SPARCL1: variants seen among roughly 807,000 people sequenced by gnomAD.
The protein encoded by SPARCL1 is SPARC like 1, also known as SPARC-like protein 1.
Under a neutral mutation model 67.1 loss-of-function variants are expected in SPARCL1, and 52 were observed. The observed-to-expected ratio is 0.78, with a 90% CI of 0.62 to 0.98. The LOEUF is 0.98. SPARCL1 is among the 50% of genes least tolerant of loss of function. The probability of loss-of-function intolerance (pLI) is 0.00; values close to 1 mark genes in which losing one functional copy is unlikely to be tolerated. For synonymous variants in SPARCL1, 226 were observed against 267.8 expected, an observed-to-expected ratio of 0.84 and a Z score of 1.52; for missense variants, 717 against 782.4, an observed-to-expected ratio of 0.92 and a Z score of 1.00.
chr4:87,480,393 A>G lies in SPARCL1; in HGVS notation c.1796T>C (p.Leu599Pro). The G allele has an allele frequency of 6.2e-7, 1 of 1,606,814 alleles. No individual in the cohort carries two copies. The highest frequency in any genetic ancestry group is 8.5e-7 in the Non-Finnish European group (1 of 1,176,828). The change falls in exon 9 of 11, where the codon CTT (leucine) becomes CCT (proline). Residue 599 changes from leucine (L) to proline (P), a missense_variant. Transcript: ENST00000282470. The part of the protein sequence containing the change: ...VYPVHWQFSE[L>P]DQHPMDRVLT... ...TTACCTATCCATAGGGTGTTGGTCA[A>G]GTTCACTAAACTGCCAGTGCACAGG...
chr4:87,499,640 C>A (rs1724768570), intron 1 of SPARCL1, 55 bp from the exon 2 acceptor site: 1 of 1,302,446 alleles, frequency 7.7e-7, no homozygotes, highest in Non-Finnish European at 1.1e-6. Flanking sequence ...TCATGAAAAA[C>A]TGAAAGATAG....
At position 87,493,885 on chromosome 4, in the gene SPARCL1, G is replaced by A; in HGVS notation, c.915C>T (p.Ile305=). The part of the protein sequence containing the change: ...SQEGKTGLEA[I]SNHKETEEKT... ...TTTCTTCTGTCTCTTTGTGGTTGCTGATAGCTTCTAGGCCAGTTTTACCCT... is the reference window on the plus strand; with the variant it reads ...TTTCTTCTGTCTCTTTGTGGTTGCTAATAGCTTCTAGGCCAGTTTTACCCT... The change falls in exon 4 of 11, where the codon ATC becomes ATT. Residue 305 remains isoleucine (I), a synonymous_variant. Coordinates refer to ENST00000282470, the MANE Select transcript of SPARCL1 (RefSeq NM_004684.6). 6.2e-7 allele frequency: 1 copy of A among 1,614,154 alleles called. No individual in the cohort carries two copies. The highest frequency in any genetic ancestry group is 1.1e-5 in the South Asian group (1 of 91,076).
intron 1 of SPARCL1, among the ~76,000 whole-genome samples, chr4:87,508,300 A>G (rs1725192448): frequency 6.6e-6 from 1 of 151,406 alleles, no homozygotes; most frequent in Non-Finnish European, 1.5e-5. Flanking sequence ...GGGCCCAAGC[A>G]TGCTCCCACC....
intron 10 of SPARCL1, among the ~76,000 whole-genome samples, chr4:87,477,108 C>T (rs1723613934): frequency 6.6e-6 from 1 of 152,200 alleles, no homozygotes; most frequent in Non-Finnish European, 1.5e-5. Flanking sequence ...TTAAGCCCTT[C>T]CTGCTCCTCC....
intron 1 of SPARCL1, among the ~76,000 whole-genome samples, chr4:87,519,099 T>G (rs1178255528): frequency 6.6e-6 from 1 of 150,948 alleles, no homozygotes; most frequent in African/African-American, 2.4e-5. Context: ...TGAGATGGAG[T>G]CTTGCTCTGT....
chr4:87,490,080 C>G (rs1409626077), intron 7 of SPARCL1, among the ~76,000 whole-genome samples, 193 bp downstream of exon 7: 2 of 152,168 alleles, frequency 1.3e-5, no homozygotes, highest in Non-Finnish European at 2.9e-5. Context: ...GGATTCCAAC[C>G]TAGTTCAGTT....
Position 87,505,724 on chromosome 4 carries a change from G to GGTTTTTTT in SPARCL1, c.-11-6140_-11-6139insAAAAAAAC, listed in dbSNP as rs55992030. On this transcript the variant is annotated intron_variant, in intron 1 of 10. Coordinates refer to ENST00000282470, the MANE Select transcript of SPARCL1 (RefSeq NM_004684.6). ...TGCAAACTATTATGCTCAGCTAATT[G>GGTTTTTTT]TTTTTTTTTTTTTTTGTAGAGATGG... Among the ~76,000 whole-genome samples the GGTTTTTTT allele has an allele frequency of 9.9e-5, 14 of 141,110 alleles. 2 individuals carry two copies. The highest frequency in any genetic ancestry group is 7.8e-5 in the African/African-American group (3 of 38,330). The allele number at this position is 141,110 out of a possible 152,430, so 92.6% of individuals were successfully genotyped here. A position where few individuals can be genotyped will look rare whatever the true frequency, so the allele number is the denominator to read the frequency against.
intron 1 of SPARCL1, among the ~76,000 whole-genome samples, chr4:87,514,025 C>G (rs1725482376): frequency 6.6e-6 from 1 of 152,072 alleles, no homozygotes; most frequent in African/African-American, 2.4e-5. Flanking sequence ...GAAACCCCGT[C>G]TCTACTGAAA....
chr4:87,478,558 C>G (rs1201815243), intron 10 of SPARCL1, among the ~76,000 whole-genome samples: 1 of 151,938 alleles, frequency 6.6e-6, no homozygotes, highest in Non-Finnish European at 1.5e-5. Context: ...CTGCCTCAGC[C>G]TCCCGAGTAG....
chr4:87,496,105 A>G (rs1724609163), intron 2 of SPARCL1, among the ~76,000 whole-genome samples: 1 of 152,142 alleles, frequency 6.6e-6, no homozygotes, highest in South Asian at 2.1e-4. Context: ...AAGTTGAACA[A>G]CTGAACTTGG....
chr4:87,517,962 T>A (rs567868145), intron 1 of SPARCL1, among the ~76,000 whole-genome samples: 16 of 152,190 alleles, frequency 1.1e-4, no homozygotes, highest in Non-Finnish European at 1.5e-4. Context: ...AAGCATTCAG[T>A]CCCAGCAGAA....
chr4:87,511,731 T>A (rs1725365432), intron 1 of SPARCL1, among the ~76,000 whole-genome samples: 1 of 151,636 alleles, frequency 6.6e-6, no homozygotes, highest in Non-Finnish European at 1.5e-5. Flanking sequence ...TTATTGAGGA[T>A]CTCAGGGAGA....
At chr4:87,526,380 C>T (rs748818850) in intron 1 of SPARCL1, among the ~76,000 whole-genome samples, 5 of 152,204 alleles carry the variant, frequency 3.3e-5, no homozygotes, top group African/African-American at 7.2e-5. Flanking sequence ...AAGTATGTAA[C>T]AGAGGCCTCA....
intron 1 of SPARCL1, among the ~76,000 whole-genome samples, chr4:87,526,183 T>C (rs6845839): frequency 0.73 from 110,860 of 152,136 alleles, 41,655 homozygotes; most frequent in East Asian, 1. Context: ...TCCTTTGACT[T>C]GGCCATTAAG....
chr4:87,528,750 C>T (rs1209342723), intron 1 of SPARCL1: 1 of 152,080 alleles, frequency 6.6e-6, no homozygotes, highest in Non-Finnish European at 1.5e-5. Context: ...TCAGGCTTCA[C>T]TAAGATCTGA....
intron 1 of SPARCL1, among the ~76,000 whole-genome samples, chr4:87,523,604 T>TAG (rs1725913615): frequency 6.6e-6 from 1 of 152,226 alleles, no homozygotes; most frequent in Admixed American, 6.5e-5. Flanking sequence ...TGCTCTGTAT[T>TAG]AGATAATTAC....
rs554369375 is a variant in SPARCL1 at position 87,519,096 on chromosome 4, G to T, written c.-12+9949C>A. 4.8e-3 allele frequency among the ~76,000 whole-genome samples: 719 copies of T among 150,632 alleles called. 10 individuals are homozygous for T. Among genetic ancestry groups the T allele is most frequent in the African/African-American group, 0.016 (669 of 40,956 alleles). On this transcript the variant is annotated intron_variant, in intron 1 of 10. Coordinates refer to ENST00000282470, the MANE Select transcript of SPARCL1 (RefSeq NM_004684.6). ...TATCTTTTTTTTTTTTTCTGAGATG[G>T]AGTCTTGCTCTGTTGCCCAGGCTGG...
At chr4:87,490,736 A>T in intron 6 of SPARCL1, 24 bp downstream of exon 6, 1 of 1,432,272 alleles carries the variant, frequency 7.0e-7, no homozygotes, top group Non-Finnish European at 9.6e-7. Context: ...GAGCCACTTA[A>T]AGACTATTTT....
At chr4:87,506,542 CTGTT>C (rs1488903233) in intron 1 of SPARCL1, among the ~76,000 whole-genome samples, 1 of 152,180 alleles carries the variant, frequency 6.6e-6, no homozygotes, top group Non-Finnish European at 1.5e-5. Context: ...CTCTGCCTAT[CTGTT>C]TGAGTTGGGA....
Sources: allele counts gnomAD v4.1 joint callset (sites outside exome capture counted in the v4.1 genomes callset), GRCh38; gene constraint gnomAD v4.1.1; transcripts MANE v1.5; gene names NCBI Gene and HGNC (gene_info 2026-07-23, HGNC 2026-07-21).